The following FBXL13 variants were observed in gnomAD, a reference collection of about 807,000 sequenced individuals.
FBXL13 encodes the protein F-box and leucine rich repeat protein 13.
In FBXL13, 67 loss-of-function variants were observed where a neutral mutation model predicts 83.6. The ratio of observed to expected loss-of-function variants is 0.80; its 90% confidence interval spans 0.66 to 0.98. The LOEUF is 0.98. Ranked by LOEUF, FBXL13 falls within the 50% of genes least tolerant of loss-of-function variation. FBXL13 has a pLI of 0.00. For missense variants in FBXL13, 822 were observed against 866.5 expected (o/e 0.95, Z 0.64); for synonymous variants, 272 against 299.5 (o/e 0.91, Z 0.95).
rs1817261314 is a variant in FBXL13, at chr7:102,922,538, T to C, written c.878+3736A>G. Among the ~76,000 whole-genome samples, 9 of 152,312 alleles carry C rather than the reference T, an allele frequency of 5.9e-5. 1 individual carries two copies. The South Asian group carries it at 1.9e-3, about 32-fold the overall frequency. Reference sequence around the variant, plus strand: ...CTATTTTGCGGATATAAAGGATGTGTAGCACGCAACTTACAAATGATAAAA... The same window carrying C: ...CTATTTTGCGGATATAAAGGATGTGCAGCACGCAACTTACAAATGATAAAA... On this transcript the variant is annotated intron_variant, in intron 10 of 19. Transcript: ENST00000313221.
chr7:102,949,201 C>A (rs1272384306), intron 8 of FBXL13, among the ~76,000 whole-genome samples: 1 of 152,144 alleles, frequency 6.6e-6, no homozygotes, highest in African/African-American at 2.4e-5. Context: ...AGGAACTGAT[C>A]TTAGCTGGGG....
At chr7:102,984,473 G>T (rs2129483799) in intron 6 of FBXL13, among the ~76,000 whole-genome samples, 1 of 152,316 alleles carries the variant, frequency 6.6e-6, no homozygotes, top group East Asian at 1.9e-4. Context: ...AAGACCTTCT[G>T]TTGGCAAACT....
At position 102,957,479 on chromosome 7, in the gene FBXL13, G is replaced by A. The variant is rs1682524875; in HGVS notation, c.724+6054C>T. On this transcript the variant is annotated intron_variant, in intron 8 of 19. Transcript: ENST00000313221. ...TCATTCAGGACATAGGTATTGGCAA[G>A]GACTTCATGACTAAAACACCAAAAG... 5.9e-5 allele frequency among the ~76,000 whole-genome samples: 9 copies of A among 152,168 alleles called. No individual in the cohort carries two copies. In the South Asian group the frequency reaches 1.9e-3, roughly 32 times the overall value.
rs1427253729 is a variant in FBXL13 at position 102,883,562 on chromosome 7, A to G, written c.1225+6T>C. On this transcript the variant is annotated splice_donor_region_variant and intron_variant, in intron 13 of 19. Transcript: ENST00000313221. ...AATGCTGAACCACATTTTTAATATA[A>G]CAGACCTTCAAATCGGATCTTTCTG... is the stretch of plus-strand genomic sequence containing the variant. The G allele has an allele frequency of 6.3e-7, 1 of 1,599,428 alleles. No homozygotes were observed. The highest frequency in any genetic ancestry group is 8.6e-7 in the Non-Finnish European group (1 of 1,168,456).
At chr7:102,959,405 T>G (rs920808187) in intron 8 of FBXL13, among the ~76,000 whole-genome samples, 1 of 152,058 alleles carries the variant, frequency 6.6e-6, no homozygotes, top group Non-Finnish European at 1.5e-5. Flanking sequence ...TGTCACTATA[T>G]GTGTGTGTAC....
rs530329355 is a variant in FBXL13 at position 103,038,157 on chromosome 7, T to C, written c.1-8739A>G. On this transcript the variant is annotated intron_variant, in intron 2 of 19. Transcript: ENST00000313221. ...AGACCAGGAGATACCCTCCCTCCCA[T>C]GCCTGGCTCGGTGAGTCCCACACCC... Among the ~76,000 whole-genome samples, 5 of 152,322 alleles carry C rather than the reference T, an allele frequency of 3.3e-5. No homozygotes were observed. In the South Asian group the frequency reaches 8.3e-4, roughly 25 times the overall value.
intron 11 of FBXL13, among the ~76,000 whole-genome samples, chr7:102,892,624 T>C (rs1811676353): frequency 6.6e-6 from 1 of 152,214 alleles, no homozygotes; most frequent in Non-Finnish European, 1.5e-5. Flanking sequence ...AACTCCTCCT[T>C]ATTAAATGAT....
At chr7:102,953,080 C>A (rs1400542491) in intron 8 of FBXL13, among the ~76,000 whole-genome samples, 1 of 152,120 alleles carries the variant, frequency 6.6e-6, no homozygotes, top group Non-Finnish European at 1.5e-5. Flanking sequence ...ATTTAATCCT[C>A]AAACTTTAAA....
At chr7:102,823,838 T>C (rs748536426) in intron 18 of FBXL13, among the ~76,000 whole-genome samples, 9 of 152,230 alleles carry the variant, frequency 5.9e-5, no homozygotes, top group Non-Finnish European at 7.3e-5. Flanking sequence ...AAACACGCTT[T>C]GTTTCCGGAA....
chr7:102,940,934 C>T (rs1402587202), intron 8 of FBXL13, among the ~76,000 whole-genome samples: 1 of 152,130 alleles, frequency 6.6e-6, no homozygotes, highest in African/African-American at 2.4e-5. Context: ...ATTTTGAGTA[C>T]AACTGTTTCC....
chr7:102,822,156 C>T, exon 19 of FBXL13: 1 of 1,614,112 alleles, frequency 6.2e-7, no homozygotes. Flanking sequence ...CCAAAATGTG[C>T]AGGTAATGGC....
chr7:102,934,774 G>A, intron 8 of FBXL13: 1 of 1,179,066 alleles, frequency 8.5e-7, no homozygotes, highest in Non-Finnish European at 1.2e-6. Flanking sequence ...ACCATGTCTT[G>A]GAATTCGTGA....
intron 8 of FBXL13, among the ~76,000 whole-genome samples, chr7:102,951,309 G>C (rs1823351999): frequency 6.6e-6 from 1 of 150,596 alleles, no homozygotes; most frequent in Non-Finnish European, 1.5e-5. Context: ...TCCACTAGCA[G>C]AGGTTGCAGT....
At chr7:102,948,575 C>T (rs1377984460) in intron 8 of FBXL13, among the ~76,000 whole-genome samples, 1 of 151,980 alleles carries the variant, frequency 6.6e-6, no homozygotes, top group African/African-American at 2.4e-5. Flanking sequence ...AGGTGCCCGC[C>T]ACCACACCCA....
chr7:102,942,148 C>G (rs1241866635), intron 8 of FBXL13: 2 of 558,878 alleles, frequency 3.6e-6, no homozygotes, highest in Non-Finnish European at 6.4e-6. Flanking sequence ...GTATTTCCTA[C>G]ATTAATAAAT....
intron 16 of FBXL13, among the ~76,000 whole-genome samples, chr7:102,874,901 T>C (rs887919903): frequency 1.3e-5 from 2 of 152,208 alleles, no homozygotes; most frequent in Non-Finnish European, 2.9e-5. Context: ...CCTCTGTAGA[T>C]AAAATTTTAA....
intron 10 of FBXL13, among the ~76,000 whole-genome samples, chr7:102,924,792 C>G (rs919159754): frequency 1.3e-5 from 2 of 151,926 alleles, no homozygotes; most frequent in Non-Finnish European, 2.9e-5. Context: ...AGGCACCCAC[C>G]ACCGCACCCG....
chr7:102,906,376 G>T (rs980383501), intron 11 of FBXL13, among the ~76,000 whole-genome samples: 1 of 152,150 alleles, frequency 6.6e-6, no homozygotes, highest in African/African-American at 2.4e-5. Flanking sequence ...TTCCTACTTA[G>T]GATAAGAGTA....
intron 8 of FBXL13, among the ~76,000 whole-genome samples, chr7:102,960,174 C>T (rs368267016): frequency 6.6e-6 from 1 of 151,314 alleles, no homozygotes; most frequent in Admixed American, 6.6e-5. Flanking sequence ...AATACTAGAC[C>T]CCAAAAGAGT....
Sources: allele counts gnomAD v4.1 joint callset (sites outside exome capture counted in the v4.1 genomes callset), GRCh38; gene constraint gnomAD v4.1.1; transcripts MANE v1.5; gene names NCBI Gene and HGNC (gene_info 2026-07-23, HGNC 2026-07-21).